Variants in ELMOD1 observed in about 807,000 individuals in gnomAD.
ELMOD1 encodes the protein ELMO domain containing 1.
In ELMOD1, 21 loss-of-function variants were observed where a neutral mutation model predicts 46.7. The ratio of observed to expected loss-of-function variants is 0.45; its 90% confidence interval spans 0.32 to 0.65. The LOEUF (loss-of-function observed/expected upper bound fraction) is 0.65, where lower values mean the gene tolerates loss of function less well. Ranked by LOEUF, ELMOD1 falls within the 30% of genes least tolerant of loss-of-function variation. ELMOD1 has a pLI of 0.04. For missense variants in ELMOD1, 348 were observed against 407.8 expected, an observed-to-expected ratio of 0.85 and a Z score of 1.26; for synonymous variants, 122 against 138.2, an observed-to-expected ratio of 0.88 and a Z score of 0.82.
chr11:107,617,246 T>C (rs1865877910), intron 1 of ELMOD1, among the ~76,000 whole-genome samples: 1 of 152,232 alleles, frequency 6.6e-6, no homozygotes, highest in Admixed American at 6.5e-5. Flanking sequence ...AAGTATGAGT[T>C]CCCACACTCT....
chr11:107,631,880 G>A (rs946523145), intron 5 of ELMOD1, among the ~76,000 whole-genome samples: 3 of 152,030 alleles, frequency 2.0e-5, no homozygotes, highest in African/African-American at 7.2e-5. Context: ...CTTCCTTTGT[G>A]GCTTATGCTT....
intron 9 of ELMOD1, chr11:107,653,601 C>G (rs530189409): frequency 6.6e-6 from 1 of 150,478 alleles, no homozygotes; most frequent in Non-Finnish European, 1.5e-5. Flanking sequence ...GCTTCCCCCC[C>G]TCCCCGCCTC....
In ELMOD1 at chr11:107,647,691, G is replaced by A. The variant is rs1055614848; in HGVS notation, c.554+90G>A. 1.5e-5 allele frequency: 21 copies of A among 1,365,632 alleles called. No individual in the cohort carries two copies. In the East Asian group the frequency reaches 4.8e-4, roughly 31 times the overall value. The allele number at this position is 1,365,632 out of a possible 1,614,324, so 84.6% of individuals were successfully genotyped here. ...AAAAGTTGAGTAATTAGCTTCAAAA[G>A]GTACTTCCCATAAGACTCAAAGAAA... is the stretch of plus-strand genomic sequence containing the variant. On this transcript the variant is annotated intron_variant, in intron 7 of 11. Coordinates refer to ENST00000265840, the MANE Select transcript of ELMOD1 (RefSeq NM_018712.4).
At chr11:107,624,584 C>A (rs921138939) in intron 2 of ELMOD1, among the ~76,000 whole-genome samples, 12 of 152,044 alleles carry the variant, frequency 7.9e-5, no homozygotes, top group Admixed American at 7.9e-4. Context: ...CCAGAGAGGT[C>A]GAGGCTGCTT....
chr11:107,607,273 A>G (rs1315572854), intron 1 of ELMOD1, among the ~76,000 whole-genome samples: 2 of 152,220 alleles, frequency 1.3e-5, no homozygotes, highest in Non-Finnish European at 2.9e-5. Context: ...TTTCACATAC[A>G]TTAAAGAGAA....
At chr11:107,628,932 A>G (rs990743373) in intron 2 of ELMOD1, among the ~76,000 whole-genome samples, 1 of 152,140 alleles carries the variant, frequency 6.6e-6, no homozygotes, top group African/African-American at 2.4e-5. Context: ...TTTTTAAATG[A>G]AAAGTGGATT....
intron 2 of ELMOD1, among the ~76,000 whole-genome samples, chr11:107,621,124 A>G (rs1156238077): frequency 3.9e-5 from 6 of 152,250 alleles, no homozygotes; most frequent in African/African-American, 1.4e-4. Flanking sequence ...AGTTATCAGA[A>G]CATGATTAAT....
chr11:107,625,140 A>G (rs1439864899), intron 2 of ELMOD1, among the ~76,000 whole-genome samples: 1 of 152,070 alleles, frequency 6.6e-6, no homozygotes, highest in East Asian at 1.9e-4. Context: ...CCTAGTAGAG[A>G]GCTCTTATAC....
intron 1 of ELMOD1, among the ~76,000 whole-genome samples, chr11:107,605,094 A>T (rs1865663202): frequency 6.6e-6 from 1 of 152,200 alleles, no homozygotes; most frequent in Non-Finnish European, 1.5e-5. Flanking sequence ...TAACATTGAG[A>T]ATTTACAAAA....
intron 5 of ELMOD1, 99 bp downstream of exon 5, chr11:107,631,776 C>A (rs934792557): frequency 1.7e-6 from 1 of 577,104 alleles, no homozygotes; most frequent in Non-Finnish European, 2.9e-6. Context: ...CTCCCTCTCT[C>A]CCTAAAATAA....
chr11:107,663,838 T>A (rs1016191538), intron 11 of ELMOD1, among the ~76,000 whole-genome samples: 6 of 152,148 alleles, frequency 3.9e-5, no homozygotes, highest in African/African-American at 1.4e-4. Flanking sequence ...TCTCTTCTCA[T>A]CCTCCCCTTC....
intron 7 of ELMOD1, among the ~76,000 whole-genome samples, chr11:107,649,923 CAT>C (rs1457563301): frequency 6.6e-6 from 1 of 152,072 alleles, no homozygotes; most frequent in Non-Finnish European, 1.5e-5. Flanking sequence ...ATATTTGAAA[CAT>C]ATCCTCTCTC....
intron 11 of ELMOD1, among the ~76,000 whole-genome samples, chr11:107,656,542 C>G (rs1269237211): frequency 6.6e-6 from 1 of 151,312 alleles, no homozygotes; most frequent in Non-Finnish European, 1.5e-5. Flanking sequence ...AGACAAGGGT[C>G]AAAGCTGAGA....
chr11:107,631,593 C>CTGT lies in ELMOD1; in HGVS notation c.207_209dup (p.Val70dup). 1 of 1,559,372 alleles carries CTGT rather than the reference C, an allele frequency of 6.4e-7. No homozygotes were observed. The highest frequency in any genetic ancestry group is 8.7e-7 in the Non-Finnish European group (1 of 1,151,648). ...CATGTTTTCCAGCTGTTGCAGACTT[C>CTGT]TGTGAGTGTTCACCCCGACGCTATT... On this transcript the variant is annotated inframe_insertion, in exon 5 of 12. Transcript: ENST00000265840.
rs186663204 is a variant in ELMOD1, at chr11:107,627,288, G to A, written c.18-3129G>A. On this transcript the variant is annotated intron_variant, in intron 2 of 11. Transcript: ENST00000265840. ...TAGGAATTATGAAAGAACAAGCAGCGTATAGATACCATTTCATAATTCAAA... is the reference window on the plus strand; with the variant it reads ...TAGGAATTATGAAAGAACAAGCAGCATATAGATACCATTTCATAATTCAAA... Among the ~76,000 whole-genome samples the A allele has an allele frequency of 2.7e-3, 413 of 152,216 alleles. 5 individuals are homozygous for A. The highest frequency in any genetic ancestry group is 9.5e-3 in the African/African-American group (393 of 41,512).
chr11:107,653,746 A>G (rs1866570100), intron 9 of ELMOD1: 1 of 151,050 alleles, frequency 6.6e-6, no homozygotes, highest in South Asian at 2.1e-4. Context: ...AGGCATCACA[A>G]ATAATATAAT....
chr11:107,616,857 A>G (rs994288054), intron 1 of ELMOD1, among the ~76,000 whole-genome samples: 20 of 152,150 alleles, frequency 1.3e-4, no homozygotes, highest in Admixed American at 2.0e-4. Flanking sequence ...TTTAGAATCA[A>G]CCATTTCCCA....
chr11:107,656,007 C>T lies in ELMOD1; in HGVS notation c.773C>T (p.Thr258Ile). ...CTACTGGTCAGCGGAGCTCTAAAAA[C>T]CCATTTCTACAATATCGCCCCAGAA... ...YNLLVSGALK[T>I]HFYNIAPEAP... The change falls in exon 11 of 12, where the codon ACC becomes ATC. Residue 258 changes from threonine (T) to isoleucine (I), a missense_variant. Thr to Ile is a moderately conservative substitution (Grantham distance 89). Coordinates refer to ENST00000265840, the MANE Select transcript of ELMOD1 (RefSeq NM_018712.4). The T allele has an allele frequency of 6.3e-7, 1 of 1,575,994 alleles. No individual in the cohort carries two copies. Among genetic ancestry groups the T allele is most frequent in the Non-Finnish European group, 8.6e-7 (1 of 1,158,696 alleles).
chr11:107,641,956 T>TTTTTTTA (rs1866331097), intron 6 of ELMOD1, among the ~76,000 whole-genome samples: 1 of 148,748 alleles, frequency 6.7e-6, no homozygotes, highest in Non-Finnish European at 1.5e-5. Context: ...TTTTTTTTTT[T>TTTTTTTA]TTTTTTTAGA....
Sources: gnomAD v4.1 joint callset for allele counts (sites outside exome capture counted in the v4.1 genomes callset) on GRCh38, gnomAD v4.1.1 for gene constraint, MANE v1.5 for transcripts, NCBI Gene and HGNC (gene_info 2026-07-23, HGNC 2026-07-21) for gene names.